The following GBGT1 variants were observed in gnomAD, a reference collection of about 807,000 sequenced individuals.
The protein encoded by GBGT1 is globoside alpha-1,3-N-acetylgalactosaminyltransferase 1 (FORS blood group), also known as globoside alpha-1,3-N-acetylgalactosaminyltransferase 1.
In GBGT1, 18 loss-of-function variants were observed where a neutral mutation model predicts 20.9. That is an observed-to-expected ratio of 0.86 (90% CI 0.60 to 1.28). The LOEUF is 1.28. GBGT1 is among the 50% of genes most tolerant of loss of function. GBGT1 has a pLI of 0.00. For synonymous variants in GBGT1, 168 were observed against 180.8 expected, an observed-to-expected ratio of 0.93 and a Z score of 0.57; for missense variants, 432 against 455.7, an observed-to-expected ratio of 0.95 and a Z score of 0.47.
At chr9:133,158,143 CA>C (rs368819757) in intron 3 of GBGT1, among the ~76,000 whole-genome samples, 2 of 149,980 alleles carry the variant, frequency 1.3e-5, no homozygotes, top group East Asian at 4.1e-4. Flanking sequence ...GACTGCATCT[CA>C]AAAAAAAGGG....
chr9:133,157,842 G>A (rs933002529), intron 3 of GBGT1, among the ~76,000 whole-genome samples: 3 of 152,286 alleles, frequency 2.0e-5, no homozygotes, highest in East Asian at 1.9e-4. Context: ...AGGTGGAAGC[G>A]AGGTGCAGAG....
rs1197639616 is a variant in GBGT1 at position 133,154,291 on chromosome 9, T to TA, written c.360-31dup. ...TGATGATCACCCGGTCACCCACTGC[T>TA]ACACCAGCAGCCTGCCAGGGTCCCC... On this transcript the variant is annotated intron_variant, in intron 6 of 6. Transcript: ENST00000372040. This position sits in a 1 kb window ranked among gnomAD's most constrained non-coding sequence, Gnocchi z 4.2. 5 of 1,397,114 alleles carry TA rather than the reference T, an allele frequency of 3.6e-6. No homozygotes were observed. The highest frequency in any genetic ancestry group is 1.4e-5 in the African/African-American group (1 of 69,506). The allele number at this position is 1,397,114 out of a possible 1,614,324, so 86.5% of individuals were successfully genotyped here.
In GBGT1 at chr9:133,154,426, A is replaced by G. The variant is rs945939045; in HGVS notation, c.360-165T>C. On this transcript the variant is annotated intron_variant, in intron 6 of 6. Transcript: ENST00000372040. The surrounding 1 kb of genome is among the most constrained non-coding windows in gnomAD (Gnocchi z 4.2). ...TCATTTGTCCAATTCCCAAAATGCT[A>G]GTACCAGCCTCTTACGGCTGTTGTA... 9.7e-5 allele frequency: 47 copies of G among 483,890 alleles called. No homozygotes were observed. Among genetic ancestry groups the G allele is most frequent in the Non-Finnish European group, 7.3e-6 (2 of 274,370 alleles). 30.0% of individuals were successfully genotyped at this position (483,890 alleles called of 1,614,324 possible). A position where few individuals can be genotyped will look rare whatever the true frequency, so the allele number is the denominator to read the frequency against.
intron 3 of GBGT1, 171 bp downstream of exon 3, chr9:133,161,296 C>G: frequency 1.8e-6 from 1 of 541,746 alleles, no homozygotes; most frequent in East Asian, 3.0e-5. Context: ...ATGGGAATTT[C>G]ACTTCACGCT....
intron 3 of GBGT1, chr9:133,161,149 G>A: frequency 2.5e-6 from 1 of 403,292 alleles, no homozygotes; most frequent in Admixed American, 4.4e-5. Flanking sequence ...TGGTCACCGG[G>A]AGCAACAGCA....
At chr9:133,159,354 C>T (rs1050950247) in intron 3 of GBGT1, among the ~76,000 whole-genome samples, 1 of 152,226 alleles carries the variant, frequency 6.6e-6, no homozygotes, top group Non-Finnish European at 1.5e-5. Flanking sequence ...TTTCAGGGCC[C>T]TGCTCAGAAA....
Position 133,162,455 on chromosome 9 carries a change from C to T in GBGT1, c.-43G>A. On this transcript the variant is annotated 5_prime_UTR_variant, in exon 2 of 7. Coordinates refer to ENST00000372040, the MANE Select transcript of GBGT1 (RefSeq NM_021996.6). The stretch of plus-strand genomic sequence containing the variant: ...GAGCCTGGGCACTTGTAGAGACCCC[C>T]ACTGGCCTGGGCGGATGAGGCTGTC... The T allele has an allele frequency of 1.3e-6, 2 of 1,542,752 alleles. No individual in the cohort carries two copies. Among genetic ancestry groups the T allele is most frequent in the Non-Finnish European group, 1.8e-6 (2 of 1,130,980 alleles).
intron 3 of GBGT1, among the ~76,000 whole-genome samples, chr9:133,159,221 A>C (rs1455228794): frequency 6.6e-6 from 1 of 152,186 alleles, no homozygotes; most frequent in Non-Finnish European, 1.5e-5. Flanking sequence ...TCGGCCTCCC[A>C]AAGTGCTGGG....
At chr9:133,155,518 C>G (rs1248668358) in intron 5 of GBGT1, among the ~76,000 whole-genome samples, 1 of 152,170 alleles carries the variant, frequency 6.6e-6, no homozygotes, top group Non-Finnish European at 1.5e-5. Flanking sequence ...CAAGGAGAAG[C>G]CTGGCATTAT....
intron 5 of GBGT1, 105 bp downstream of exon 5, chr9:133,155,796 G>A: frequency 8.1e-7 from 1 of 1,235,892 alleles, no homozygotes; most frequent in Non-Finnish European, 1.2e-6. Context: ...AACTCTCTGG[G>A]CCCCAAGGCC....
At chr9:133,155,412 G>T in intron 5 of GBGT1, 100 bp from the exon 6 acceptor site, 1 of 1,412,494 alleles carries the variant, frequency 7.1e-7, no homozygotes, top group Non-Finnish European at 9.7e-7. Context: ...GGGCAGCTTC[G>T]TCCCCATCTC....
In GBGT1 at chr9:133,154,063, G is replaced by A. The variant is rs749842818; in HGVS notation, c.558C>T (p.Thr186=). Reference sequence around the variant, plus strand: ...CCCTCTTAGCAATGTGCTGGCTGATGGTCTCCATCCGGCGCATGGATGTCT... The same window carrying A: ...CCCTCTTAGCAATGTGCTGGCTGATAGTCTCCATCCGGCGCATGGATGTCT... ...WEETSMRRME[T]ISQHIAKRAH... is the part of the protein sequence containing the mutation. Residue 186 remains threonine, a synonymous_variant, in exon 7 of 7, where the codon ACC becomes ACT. Coordinates refer to ENST00000372040, the MANE Select transcript of GBGT1 (RefSeq NM_021996.6). This position sits in a 1 kb window ranked among gnomAD's most constrained non-coding sequence, Gnocchi z 4.2. 3 of 1,613,578 alleles carry A rather than the reference G, an allele frequency of 1.9e-6. No homozygotes were observed. In the South Asian group the frequency reaches 3.3e-5, roughly 18 times the overall value.
At chr9:133,155,098 C>G in intron 6 of GBGT1, 80 bp downstream of exon 6, 1 of 1,343,042 alleles carries the variant, frequency 7.4e-7, no homozygotes. Context: ...CCTGTGTGCA[C>G]GTCTGGTCTG....
rs774503732 is a variant in GBGT1 at position 133,153,890 on chromosome 9, C to T, written c.731G>A (p.Arg244Lys). 1.2e-6 allele frequency: 2 copies of T among 1,605,524 alleles called. No individual in the cohort carries two copies. Among genetic ancestry groups the T allele is most frequent in the South Asian group, 1.1e-5 (1 of 90,710 alleles). Reference sequence around the variant, plus strand: ...TGCCACAAAGGCAGTGGAAACACGCCTGCGCTCATAGGGGAACTGCTGGCG... The same window carrying T: ...TGCCACAAAGGCAGTGGAAACACGCTTGCGCTCATAGGGGAACTGCTGGCG... ...VPRQQFPYER[R>K]RVSTAFVADS... is the part of the protein sequence containing the mutation. The change falls in exon 7 of 7, where the codon AGG becomes AAG. Residue 244 changes from arginine to lysine, a missense_variant. By Grantham distance (26) the Arg-to-Lys change is conservative. Coordinates refer to ENST00000372040, the MANE Select transcript of GBGT1 (RefSeq NM_021996.6).
rs201557726 is a variant in GBGT1, at chr9:133,153,921, C to A, written c.700G>T (p.Val234Phe). 7 of 1,605,994 alleles carry A rather than the reference C, an allele frequency of 4.4e-6. No homozygotes were observed. The African/African-American group carries it at 9.4e-5, about 21-fold the overall frequency. Residue 234 changes from valine to phenylalanine, a missense_variant, in exon 7 of 7, where the codon GTT becomes TTT. Coordinates refer to ENST00000372040, the MANE Select transcript of GBGT1 (RefSeq NM_021996.6). Reference sequence around the variant, plus strand: ...TCATAGGGGAACTGCTGGCGGGGAACGGCGTAGTAGCTTGGGTGAATGGCA... The same window carrying A: ...TCATAGGGGAACTGCTGGCGGGGAAAGGCGTAGTAGCTTGGGTGAATGGCA... ...VAAIHPSYYAVPRQQFPYERR... is the reference protein window; with the variant it reads ...VAAIHPSYYAFPRQQFPYERR...
intron 3 of GBGT1, among the ~76,000 whole-genome samples, chr9:133,158,237 G>A (rs1832931625): frequency 6.6e-6 from 1 of 152,190 alleles, no homozygotes; most frequent in East Asian, 1.9e-4. Flanking sequence ...CCCACCCACT[G>A]ATGACACAGT....
chr9:133,155,182 C>T lies in GBGT1; in HGVS notation c.355G>A (p.Gly119Arg), dbSNP rs1479545060. 2 of 1,613,800 alleles carry T rather than the reference C, an allele frequency of 1.2e-6. No homozygotes were observed. Among genetic ancestry groups the T allele is most frequent in the African/African-American group, 2.7e-5 (2 of 74,928 alleles). ...CTTCCCCAGCCCACTACTCACTTCCCCACGGCAAACACCGTGACCCCAATG... is the reference window on the plus strand; with the variant it reads ...CTTCCCCAGCCCACTACTCACTTCCTCACGGCAAACACCGTGACCCCAATG... ...LTIGVTVFAVGKYTHFIQSFL... is the reference protein window; with the variant it reads ...LTIGVTVFAVRKYTHFIQSFL... Residue 119 changes from glycine to arginine, a missense_variant, in exon 6 of 7, where the codon GGG becomes AGG. Coordinates refer to ENST00000372040, the MANE Select transcript of GBGT1 (RefSeq NM_021996.6).
chr9:133,156,284 C>G (rs1564264319), intron 3 of GBGT1, among the ~76,000 whole-genome samples: 1 of 152,212 alleles, frequency 6.6e-6, no homozygotes, highest in African/African-American at 2.4e-5. Flanking sequence ...AGTGGCAGGG[C>G]AGTGATTCGA....
intron 3 of GBGT1, among the ~76,000 whole-genome samples, chr9:133,156,411 C>T (rs1832871396): frequency 6.6e-6 from 1 of 152,184 alleles, no homozygotes; most frequent in African/African-American, 2.4e-5. Flanking sequence ...CCTGTAATCC[C>T]AGCACTTTGG....
Sources: allele counts gnomAD v4.1 joint callset (sites outside exome capture counted in the v4.1 genomes callset), GRCh38; gene constraint gnomAD v4.1.1; non-coding constraint Gnocchi (gnomAD v3.1); transcripts MANE v1.5; gene names NCBI Gene and HGNC (gene_info 2026-07-23, HGNC 2026-07-21).